LDLRAD4: variants seen among roughly 807,000 people sequenced by gnomAD.
LDLRAD4 encodes the protein low density lipoprotein receptor class A domain containing 4, also known as low-density lipoprotein receptor class A domain-containing protein 4.
A neutral mutation model predicts 17.0 loss-of-function variants in LDLRAD4; 5 were observed. That is an observed-to-expected ratio of 0.29 (90% CI 0.15 to 0.62). The LOEUF (loss-of-function observed/expected upper bound fraction) is 0.62, where lower values mean the gene tolerates loss of function less well. LDLRAD4 is among the 20% of genes least tolerant of loss of function. The pLI is 0.84. For missense variants in LDLRAD4, 340 were observed against 424.7 expected (o/e 0.80, Z 1.75); for synonymous variants, 168 against 171.8 (o/e 0.98, Z 0.17).
intron 3 of LDLRAD4, among the ~76,000 whole-genome samples, chr18:13,583,772 C>T (rs1288289448): frequency 1.3e-5 from 2 of 152,040 alleles, no homozygotes; most frequent in Non-Finnish European, 2.9e-5. Flanking sequence ...CAGGGCGCTG[C>T]GGCTCCCCAC....
chr18:13,400,805 G>A lies in LDLRAD4; in HGVS notation c.40+13043G>A, dbSNP rs559364146. Among the ~76,000 whole-genome samples the A allele has an allele frequency of 1.2e-4, 18 of 152,232 alleles. No individual in the cohort carries two copies. The South Asian group carries it at 3.3e-3, about 28-fold the overall frequency. ...ACTTACGGGCCATGAGGTGAGCCGCGGAGGCCCACTCCTAGATTTATTGAC... is the reference window on the plus strand; with the variant it reads ...ACTTACGGGCCATGAGGTGAGCCGCAGAGGCCCACTCCTAGATTTATTGAC... On this transcript the variant is annotated intron_variant, in intron 2 of 5. Transcript: ENST00000359446.
At chr18:13,227,482 A>G (rs4239310) in intron 1 of LDLRAD4, among the ~76,000 whole-genome samples, 149,952 of 152,284 alleles carry the variant, frequency 0.98, 73,877 homozygotes, top group Middle Eastern at 1. Context: ...TCTTTGGTGT[A>G]TGCTGGGGGT....
chr18:13,343,193 A>G (rs1047115291), intron 1 of LDLRAD4, among the ~76,000 whole-genome samples: 1 of 150,852 alleles, frequency 6.6e-6, no homozygotes, highest in African/African-American at 2.4e-5. Flanking sequence ...TTAACTCGTT[A>G]TTTAACATTA....
chr18:13,493,048 GA>G (rs548185801), intron 3 of LDLRAD4, among the ~76,000 whole-genome samples: 21 of 152,330 alleles, frequency 1.4e-4, no homozygotes, highest in African/African-American at 5.1e-4. Context: ...GAAACCAGGA[GA>G]TTGAGGCTGC....
chr18:13,237,912 T>A (rs1206142982), intron 1 of LDLRAD4, among the ~76,000 whole-genome samples: 1 of 152,064 alleles, frequency 6.6e-6, no homozygotes, highest in Non-Finnish European at 1.5e-5. Flanking sequence ...TAAGATCTCG[T>A]CTCTAAAATG....
intron 2 of LDLRAD4, among the ~76,000 whole-genome samples, chr18:13,413,714 A>G (rs145065288): frequency 3.3e-5 from 5 of 152,288 alleles, no homozygotes; most frequent in African/African-American, 1.2e-4. Flanking sequence ...ATTGCTGTGT[A>G]GTGATTTGCA....
chr18:13,325,814 G>A lies in LDLRAD4; in HGVS notation c.-383+47626G>A, dbSNP rs556571809. Among the ~76,000 whole-genome samples, 537 of 151,528 alleles carry A rather than the reference G, an allele frequency of 3.5e-3. 6 individuals are homozygous for A. Among genetic ancestry groups the A allele is most frequent in the African/African-American group, 0.013 (517 of 41,260 alleles). Reference sequence around the variant, plus strand: ...GTCGCCCAGGCTGGAGTGCAGTGGCGCAATCTCGGCTCATTGCAAGCTCCC... The same window carrying A: ...GTCGCCCAGGCTGGAGTGCAGTGGCACAATCTCGGCTCATTGCAAGCTCCC... On this transcript the variant is annotated intron_variant, in intron 1 of 5. Coordinates refer to ENST00000359446, the Ensembl canonical transcript of LDLRAD4.
chr18:13,224,190 C>T (rs889894562), intron 1 of LDLRAD4, among the ~76,000 whole-genome samples: 8 of 152,192 alleles, frequency 5.3e-5, no homozygotes, highest in Admixed American at 6.5e-5. Context: ...TGTCTCTGTC[C>T]ACCTTATCCC....
At chr18:13,407,222 C>G (rs1457800789) in intron 2 of LDLRAD4, among the ~76,000 whole-genome samples, 1 of 152,088 alleles carries the variant, frequency 6.6e-6, no homozygotes, top group Non-Finnish European at 1.5e-5. Context: ...CTGGTGCACC[C>G]CTCATAGAGG....
At chr18:13,243,037 T>C (rs2042746590) in intron 1 of LDLRAD4, among the ~76,000 whole-genome samples, 1 of 152,260 alleles carries the variant, frequency 6.6e-6, no homozygotes, top group South Asian at 2.1e-4. Flanking sequence ...ACATCTCAGT[T>C]CTGCAGCAGC....
exon 6 of LDLRAD4, chr18:13,650,239 C>G (rs1206836802): frequency 2.5e-6 from 1 of 397,606 alleles, no homozygotes; most frequent in Non-Finnish European, 4.4e-6. Flanking sequence ...CAGGGTCAGA[C>G]AGTCATTTGC....
intron 3 of LDLRAD4, among the ~76,000 whole-genome samples, chr18:13,559,064 A>C (rs2094514145): frequency 6.6e-6 from 1 of 152,208 alleles, no homozygotes; most frequent in African/African-American, 2.4e-5. Flanking sequence ...TGGCTGCAAG[A>C]CCAGCATTAG....
intron 2 of LDLRAD4, among the ~76,000 whole-genome samples, chr18:13,390,412 G>A (rs1440381834): frequency 6.6e-6 from 1 of 152,218 alleles, no homozygotes; most frequent in Non-Finnish European, 1.5e-5. Context: ...TCTCCAGATT[G>A]TCCCACGCTG....
chr18:13,340,734 T>C (rs562530904), intron 1 of LDLRAD4, among the ~76,000 whole-genome samples: 1 of 152,334 alleles, frequency 6.6e-6, no homozygotes, highest in African/African-American at 2.4e-5. Flanking sequence ...TTAATTTTGA[T>C]GAAGTTCAGT....
At position 13,230,429 on chromosome 18, in the gene LDLRAD4, G is replaced by T. The variant is rs568780473; in HGVS notation, c.-467+11441G>T. On this transcript the variant is annotated intron_variant, in intron 1 of 5. Transcript: ENST00000399848. ...GGTTGCAGCGAGAAAATATTAGAAC[G>T]CATATACTTATTTTTACTCCATTTT... 1.5e-3 allele frequency among the ~76,000 whole-genome samples: 224 copies of T among 152,090 alleles called. 4 individuals carry two copies. Among genetic ancestry groups the T allele is most frequent in the African/African-American group, 5.1e-3 (210 of 41,476 alleles).
chr18:13,428,586 G>A (rs371040861), intron 2 of LDLRAD4, among the ~76,000 whole-genome samples: 1 of 152,158 alleles, frequency 6.6e-6, no homozygotes, highest in Non-Finnish European at 1.5e-5. Flanking sequence ...TGAGTAAACC[G>A]TGGTGGAAGG....
intron 1 of LDLRAD4, among the ~76,000 whole-genome samples, chr18:13,253,443 C>T (rs192435354): frequency 2.2e-4 from 33 of 152,270 alleles, no homozygotes; most frequent in African/African-American, 5.1e-4. Context: ...TCCACACCTC[C>T]GCTTGAAGGA....
At position 13,424,329 on chromosome 18, in the gene LDLRAD4, ATCT is replaced by A. The variant is rs2089746467; in HGVS notation, c.41-13907_41-13905del. Among the ~76,000 whole-genome samples, 3 of 152,140 alleles carry A rather than the reference ATCT, an allele frequency of 2.0e-5. No homozygotes were observed. The South Asian group carries it at 6.2e-4, about 31-fold the overall frequency. ...GCAAAGTGTGTGCTGATTCTTGTCC[ATCT>A]TCTTCTTTAGCTTGTGTGTCTGTGT... is the stretch of plus-strand genomic sequence containing the variant. On this transcript the variant is annotated intron_variant, in intron 2 of 5. Transcript: ENST00000359446.
chr18:13,496,577 G>A (rs1283580186), intron 3 of LDLRAD4, among the ~76,000 whole-genome samples: 2 of 152,200 alleles, frequency 1.3e-5, no homozygotes, highest in Non-Finnish European at 2.9e-5. Flanking sequence ...GTTAAATTTA[G>A]TGTTTCGAAT....
Sources: gnomAD v4.1 joint callset for allele counts (sites outside exome capture counted in the v4.1 genomes callset) on GRCh38, gnomAD v4.1.1 for gene constraint, MANE v1.5 for transcripts, NCBI Gene and HGNC (gene_info 2026-07-23, HGNC 2026-07-21) for gene names.